DENND2A: variants seen among roughly 807,000 people sequenced by gnomAD.
DENND2A encodes DENN domain containing 2A.
DENND2A carries 53 observed loss-of-function variants against 105.3 expected under a neutral mutation model. The ratio of observed to expected loss-of-function variants is 0.50; its 90% confidence interval spans 0.40 to 0.63. The LOEUF is 0.63. Among genes scored for constraint, DENND2A ranks in the 30% least tolerant of loss-of-function variants. DENND2A has a pLI of 0.00. For missense variants in DENND2A, 1,138 were observed against 1,279.6 expected (o/e 0.89, Z 1.69); for synonymous variants, 522 against 508.4 (o/e 1.03, Z -0.36).
At chr7:140,635,870 C>T (rs1322961441) in intron 1 of DENND2A, among the ~76,000 whole-genome samples, 3 of 152,178 alleles carry the variant, frequency 2.0e-5, no homozygotes, top group African/African-American at 4.8e-5. Flanking sequence ...AAACTGTTGC[C>T]CACGTCAGAC....
chr7:140,529,458 G>A (rs1368544991), intron 14 of DENND2A, among the ~76,000 whole-genome samples: 1 of 152,152 alleles, frequency 6.6e-6, no homozygotes, highest in Non-Finnish European at 1.5e-5. Context: ...TATACCCAAA[G>A]GATTGTAAAT....
chr7:140,541,263 T>G (rs1194323536), intron 14 of DENND2A, among the ~76,000 whole-genome samples: 1 of 152,132 alleles, frequency 6.6e-6, no homozygotes, highest in East Asian at 1.9e-4. Flanking sequence ...CTTTGTTTTC[T>G]TCCCCCTGGA....
At chr7:140,594,203 C>T (rs948896844) in intron 3 of DENND2A, among the ~76,000 whole-genome samples, 1 of 152,076 alleles carries the variant, frequency 6.6e-6, no homozygotes, top group Non-Finnish European at 1.5e-5. Flanking sequence ...CCACCGTGCC[C>T]GGCCTTAAAC....
rs866206797 is a variant in DENND2A at position 140,558,059 on chromosome 7, G to C, written c.1959+84C>G. 2.3e-4 allele frequency: 251 copies of C among 1,107,504 alleles called. 1 individual carries two copies. The Middle Eastern group carries it at 0.012, about 53-fold the overall frequency. 68.6% of individuals were successfully genotyped at this position (1,107,504 alleles called of 1,614,324 possible). ...CCTCATCAGGGAATCTCAGTCTCAC[G>C]GGACTGGGAAGCCAGACCTGGCTCT... On this transcript the variant is annotated intron_variant, in intron 11 of 19. Coordinates refer to ENST00000496613, the MANE Select transcript of DENND2A (RefSeq NM_015689.5).
intron 5 of DENND2A, among the ~76,000 whole-genome samples, chr7:140,580,668 A>G (rs1201468837): frequency 2.6e-4 from 40 of 152,036 alleles, no homozygotes; most frequent in Non-Finnish European, 1.5e-5. Context: ...ATGGAGTCTC[A>G]TTCTGTTGCC....
chr7:140,598,417 C>T (rs189749373), intron 3 of DENND2A, among the ~76,000 whole-genome samples: 159 of 152,294 alleles, frequency 1.0e-3, no homozygotes, highest in African/African-American at 3.5e-3. Flanking sequence ...TAAGACTGTA[C>T]GCTGCTTTCA....
Position 140,559,299 on chromosome 7 carries a change from C to A in DENND2A, c.1889+409G>T, listed in dbSNP as rs181090568. On this transcript the variant is annotated intron_variant, in intron 10 of 19. Coordinates refer to ENST00000496613, the MANE Select transcript of DENND2A (RefSeq NM_015689.5). This position sits in a 1 kb window ranked among gnomAD's most constrained non-coding sequence, Gnocchi z 4.1. The stretch of plus-strand genomic sequence containing the variant: ...GCAGCCTACTGAGTTTGGCCAAATG[C>A]GGAAACATCTGATAATAAAAACACT... Among the ~76,000 whole-genome samples the A allele has an allele frequency of 6.6e-6, 1 of 152,072 alleles. No homozygotes were observed. The highest frequency in any genetic ancestry group is 2.4e-5 in the African/African-American group (1 of 41,410).
At chr7:140,636,684 CTTTTTT>C (rs35563637) in intron 1 of DENND2A, among the ~76,000 whole-genome samples, 1 of 98,382 alleles carries the variant, frequency 1.0e-5, no homozygotes, top group African/African-American at 4.0e-5. Flanking sequence ...CCTCCCCAGC[CTTTTTT>C]TTTTTTTTTT....
rs1253031564 is a variant in DENND2A, at chr7:140,585,575, C to T, written c.1245+14G>A. The T allele has an allele frequency of 6.2e-7, 1 of 1,613,848 alleles. No homozygotes were observed. Among genetic ancestry groups the T allele is most frequent in the East Asian group, 2.2e-5 (1 of 44,886 alleles). ...TGGCCCCCTCTCCTGCCACCATTCC[C>T]AGGGGACTCATACCTTGGTGAGTGT... On this transcript the variant is annotated intron_variant, in intron 5 of 19. Transcript: ENST00000496613.
At chr7:140,625,302 G>A (rs368162197) in intron 1 of DENND2A, among the ~76,000 whole-genome samples, 71 of 151,788 alleles carry the variant, frequency 4.7e-4, no homozygotes, top group African/African-American at 1.5e-3. Context: ...ACTTGAGCCC[G>A]GGACACAGAG....
intron 3 of DENND2A, among the ~76,000 whole-genome samples, chr7:140,591,498 G>C (rs1422921105): frequency 6.6e-6 from 1 of 152,080 alleles, no homozygotes; most frequent in Non-Finnish European, 1.5e-5. Context: ...TCAAGGAGAA[G>C]CCAGAAATCT....
At chr7:140,566,407 A>G (rs976616570) in intron 9 of DENND2A, among the ~76,000 whole-genome samples, 2 of 152,154 alleles carry the variant, frequency 1.3e-5, no homozygotes, top group African/African-American at 4.8e-5. Context: ...TGTGAGATCC[A>G]AGAACCCTCT....
chr7:140,528,252 T>G (rs113796544), intron 14 of DENND2A, among the ~76,000 whole-genome samples: 71 of 152,326 alleles, frequency 4.7e-4, no homozygotes, highest in African/African-American at 1.5e-3. Flanking sequence ...GCTCCTTCTC[T>G]TACTGAAGAT....
chr7:140,567,342 G>GAGAGAGAGAGAGAGAC (rs1797892653), intron 8 of DENND2A, 69 bp from the exon 9 acceptor site: 1 of 1,199,996 alleles, frequency 8.3e-7, no homozygotes, highest in African/African-American at 1.5e-5. Context: ...GAGAGAGAGA[G>GAGAGAGAGAGAGAGAC]AGACAGAGTG....
chr7:140,616,634 G>T (rs1035389135), intron 1 of DENND2A, among the ~76,000 whole-genome samples: 1 of 152,044 alleles, frequency 6.6e-6, no homozygotes, highest in Non-Finnish European at 1.5e-5. Flanking sequence ...AAAAGAATCG[G>T]CAGGGACAAT....
intron 14 of DENND2A, among the ~76,000 whole-genome samples, chr7:140,532,705 C>T (rs961365891): frequency 6.6e-6 from 1 of 151,966 alleles, no homozygotes; most frequent in African/African-American, 2.4e-5. Context: ...GATTGCTGCT[C>T]AGAGGAATGC....
At chr7:140,600,386 C>T (rs1235959082) in intron 3 of DENND2A, among the ~76,000 whole-genome samples, 1 of 148,118 alleles carries the variant, frequency 6.8e-6, no homozygotes, top group Non-Finnish European at 1.5e-5. Flanking sequence ...AGAAAAGTCT[C>T]AGGTCTGGCC....
chr7:140,618,376 G>C (rs1163572478), intron 1 of DENND2A, among the ~76,000 whole-genome samples: 1 of 152,122 alleles, frequency 6.6e-6, no homozygotes, highest in Admixed American at 6.6e-5. Context: ...TGTAAACTTG[G>C]TCTTCCTTCT....
chr7:140,625,981 C>A (rs971428273), intron 1 of DENND2A, among the ~76,000 whole-genome samples: 1 of 152,154 alleles, frequency 6.6e-6, no homozygotes, highest in East Asian at 1.9e-4. Context: ...TTACACAGGT[C>A]ATTTAGTTTA....
Sources: gnomAD v4.1 joint callset for allele counts (sites outside exome capture counted in the v4.1 genomes callset) on GRCh38, gnomAD v4.1.1 for gene constraint, Gnocchi (gnomAD v3.1) non-coding constraint, MANE v1.5 for transcripts, NCBI Gene and HGNC (gene_info 2026-07-23, HGNC 2026-07-21) for gene names.